The following IL7R variants were observed in gnomAD, a reference collection of about 807,000 sequenced individuals.
The protein encoded by IL7R is interleukin 7 receptor, also known as interleukin-7 receptor subunit alpha.
Under a neutral mutation model 47.0 loss-of-function variants are expected in IL7R, and 38 were observed. That is an observed-to-expected ratio of 0.81 (90% CI 0.62 to 1.06). IL7R has a LOEUF of 1.06. IL7R is among the 50% of genes least tolerant of loss of function. The pLI, the probability that IL7R is intolerant of heterozygous loss-of-function variation, is 0.00. For missense variants in IL7R, 633 were observed against 534.8 expected (o/e 1.18, Z -1.81); for synonymous variants, 221 against 199.8 (o/e 1.11, Z -0.89).
chr5:35,868,713 A>C (rs982088437), intron 3 of IL7R, among the ~76,000 whole-genome samples: 4 of 152,198 alleles, frequency 2.6e-5, no homozygotes, highest in Non-Finnish European at 2.9e-5. Context: ...GTGAGCAGAG[A>C]AGGCAGAGGT....
At chr5:35,871,257 T>C in intron 4 of IL7R, 44 bp downstream of exon 4, 2 of 1,528,044 alleles carry the variant, frequency 1.3e-6, no homozygotes, top group Non-Finnish European at 1.8e-6. Flanking sequence ...CTTATGAATG[T>C]TTTCTATTTT....
At chr5:35,874,598 G>A in intron 6 of IL7R, 56 bp downstream of exon 6, 2 of 1,274,834 alleles carry the variant, frequency 1.6e-6, no homozygotes, top group South Asian at 1.2e-5. Flanking sequence ...GACAGTCAGA[G>A]CTTAAGCCCC....
chr5:35,874,619 G>A (rs1760160956), intron 6 of IL7R, 77 bp downstream of exon 6: 5 of 1,093,864 alleles, frequency 4.6e-6, no homozygotes, highest in South Asian at 1.2e-5. Context: ...ATTTATTGAT[G>A]AGAAAACCAC....
In IL7R at chr5:35,873,498, A is replaced by G; in HGVS notation, c.556A>G (p.Thr186Ala). 1 of 1,614,076 alleles carries G rather than the reference A, an allele frequency of 6.2e-7. No homozygotes were observed. The highest frequency in any genetic ancestry group is 2.2e-5 in the East Asian group (1 of 44,878). ...NKWTHVNLSS[T>A]KLTLLQRKLQ... ...TCTCTAGCATGTGAATTTATCCAGC[A>G]CAAAGCTGACACTCCTGCAGAGAAA... Residue 186 changes from threonine to alanine, a missense_variant, in exon 5 of 8, where the codon ACA becomes GCA. Coordinates refer to ENST00000303115, the MANE Select transcript of IL7R (RefSeq NM_002185.5).
rs80264384 is a variant in IL7R, at chr5:35,877,718, G to T, written c.*1232G>T. On this transcript the variant is annotated 3_prime_UTR_variant, in exon 8 of 8. Transcript: ENST00000303115. ...ACATGCAATGAGTGAACTGACTGTG[G>T]CTACAATCTTGAAGATATACGGAAG... 1.7e-5 allele frequency: 4 copies of T among 233,280 alleles called. No homozygotes were observed. Among genetic ancestry groups the T allele is most frequent in the Non-Finnish European group, 3.4e-5 (4 of 118,040 alleles). 14.5% of individuals were successfully genotyped at this position (233,280 alleles called of 1,614,324 possible).
chr5:35,870,962 G>A (rs1276933613), intron 3 of IL7R, 94 bp from the exon 4 acceptor site: 5 of 1,112,546 alleles, frequency 4.5e-6, no homozygotes, highest in South Asian at 1.3e-5. Flanking sequence ...ACACAAAAAG[G>A]GTCAAAGTGA....
rs774088105 is a variant in IL7R, at chr5:35,873,692, C to T, written c.706+44C>T. The stretch of plus-strand genomic sequence containing the variant: ...GTTTTTGTTCCCTCAGAGTGCTTTG[C>T]ATGTCAAAGTGTGGGAGCAAGTGAG... On this transcript the variant is annotated intron_variant, in intron 5 of 7. Coordinates refer to ENST00000303115, the MANE Select transcript of IL7R (RefSeq NM_002185.5). 3 of 1,574,404 alleles carry T rather than the reference C, an allele frequency of 1.9e-6. No homozygotes were observed. In the East Asian group the frequency reaches 6.7e-5, roughly 35 times the overall value.
chr5:35,877,410 T>A lies in IL7R; in HGVS notation c.*924T>A. 4.3e-6 allele frequency: 1 copy of A among 233,188 alleles called. No individual in the cohort carries two copies. The highest frequency in any genetic ancestry group is 8.5e-6 in the Non-Finnish European group (1 of 118,000). 14.4% of individuals were successfully genotyped at this position (233,188 alleles called of 1,614,324 possible). On this transcript the variant is annotated 3_prime_UTR_variant, in exon 8 of 8. Coordinates refer to ENST00000303115, the MANE Select transcript of IL7R (RefSeq NM_002185.5). ...AGCCATGAAGCCCATTTGGTTTCAT[T>A]TTTCTGAAAATAGGCTCAAGAGGGA...
chr5:35,867,197 C>G lies in IL7R; in HGVS notation c.222-109C>G, dbSNP rs572790533. On this transcript the variant is annotated intron_variant, in intron 2 of 7. Transcript: ENST00000303115. ...TGCCTCCACTCACCCACCCACATAC[C>G]TATGAACAGAGTTAAAGTCAAACAT... 16 of 976,856 alleles carry G rather than the reference C, an allele frequency of 1.6e-5. No individual in the cohort carries two copies. In the South Asian group the frequency reaches 2.0e-4, roughly 12 times the overall value. The allele number at this position is 976,856 out of a possible 1,614,324, so 60.5% of individuals were successfully genotyped here.
chr5:35,862,128 A>G (rs941899582), intron 2 of IL7R, among the ~76,000 whole-genome samples: 3 of 152,188 alleles, frequency 2.0e-5, no homozygotes, highest in Non-Finnish European at 1.5e-5. Context: ...GCCTCTGTTC[A>G]CTTCCCTAAC....
intron 4 of IL7R, among the ~76,000 whole-genome samples, chr5:35,872,816 G>T (rs1183867800): frequency 6.6e-6 from 1 of 151,730 alleles, no homozygotes; most frequent in Non-Finnish European, 1.5e-5. Flanking sequence ...CTGATAGATG[G>T]TTAGTATCAT....
chr5:35,872,731 T>C (rs1411880070), intron 4 of IL7R, among the ~76,000 whole-genome samples: 1 of 152,196 alleles, frequency 6.6e-6, no homozygotes, highest in African/African-American at 2.4e-5. Context: ...TGGAGGTTTA[T>C]ATATGTCAAC....
chr5:35,877,854 G>T lies in IL7R; in HGVS notation c.*1368G>T, dbSNP rs1455335879. ...CTGAGTAATGTCAGCTCAGCAAAGTGCAGCAAACCCATCTCCCACAGGCCT... is the reference window on the plus strand; with the variant it reads ...CTGAGTAATGTCAGCTCAGCAAAGTTCAGCAAACCCATCTCCCACAGGCCT... On this transcript the variant is annotated 3_prime_UTR_variant, in exon 8 of 8. Transcript: ENST00000303115. The T allele has an allele frequency of 4.3e-6, 1 of 233,160 alleles. No homozygotes were observed. The highest frequency in any genetic ancestry group is 6.0e-5 in the East Asian group (1 of 16,600). 14.4% of individuals were successfully genotyped at this position (233,160 alleles called of 1,614,324 possible). A position where few individuals can be genotyped will look rare whatever the true frequency, so the allele number is the denominator to read the frequency against.
chr5:35,877,739 G>A lies in IL7R; in HGVS notation c.*1253G>A, dbSNP rs10491435. 63,550 of 233,064 alleles carry A rather than the reference G, an allele frequency of 0.27. 9,403 individuals carry two copies. The highest frequency in any genetic ancestry group is 0.38 in the African/African-American group (17,295 of 45,370). The allele number at this position is 233,064 out of a possible 1,614,324, so 14.4% of individuals were successfully genotyped here. ...TGTGGCTACAATCTTGAAGATATAC[G>A]GAAGAGACGTATTATTAATGCTTGA... On this transcript the variant is annotated 3_prime_UTR_variant, in exon 8 of 8. Transcript: ENST00000303115.
intron 3 of IL7R, among the ~76,000 whole-genome samples, chr5:35,869,256 C>A (rs991782994): frequency 2.0e-5 from 3 of 152,300 alleles, no homozygotes; most frequent in Admixed American, 2.0e-4. Flanking sequence ...AAGAGGGAAG[C>A]ATCCTGCCTT....
At chr5:35,875,415 T>C (rs1760180597) in intron 6 of IL7R, 97 bp from the exon 7 acceptor site, 1 of 883,682 alleles carries the variant, frequency 1.1e-6, no homozygotes. Context: ...AGACTAGAAA[T>C]CTGTTCTTCT....
chr5:35,874,827 C>T (rs1194652714), intron 6 of IL7R, among the ~76,000 whole-genome samples: 2 of 152,220 alleles, frequency 1.3e-5, no homozygotes, highest in Admixed American at 6.5e-5. Flanking sequence ...CAGAAGCCAT[C>T]ATTCATGGCA....
chr5:35,877,210 T>C lies in IL7R; in HGVS notation c.*724T>C, dbSNP rs756986909. 1.7e-5 allele frequency: 4 copies of C among 233,186 alleles called. No homozygotes were observed. The highest frequency in any genetic ancestry group is 3.4e-5 in the Non-Finnish European group (4 of 118,112). The allele number at this position is 233,186 out of a possible 1,614,324, so 14.4% of individuals were successfully genotyped here. A position where few individuals can be genotyped will look rare whatever the true frequency, so the allele number is the denominator to read the frequency against. ...TTGGAAAGTGAAAGGGAAACTTACA[T>C]ATAATCCCTCCGGGACAATGAGCAA... On this transcript the variant is annotated 3_prime_UTR_variant, in exon 8 of 8. Coordinates refer to ENST00000303115, the MANE Select transcript of IL7R (RefSeq NM_002185.5).
intron 1 of IL7R, 79 bp from the exon 2 acceptor site, chr5:35,860,773 A>G (rs1468830550): frequency 2.2e-6 from 3 of 1,390,646 alleles, no homozygotes; most frequent in Non-Finnish European, 3.1e-6. Flanking sequence ...AGAGTCTGCT[A>G]TTTTATTAAG....
Sources: allele counts gnomAD v4.1 joint callset (sites outside exome capture counted in the v4.1 genomes callset), GRCh38; gene constraint gnomAD v4.1.1; transcripts MANE v1.5; gene names NCBI Gene and HGNC (gene_info 2026-07-23, HGNC 2026-07-21).